CDKAL1: variants seen among roughly 807,000 people sequenced by gnomAD.
CDKAL1 encodes threonylcarbamoyladenosine tRNA methylthiotransferase.
In CDKAL1, 32 loss-of-function variants were observed where a neutral mutation model predicts 68.2. The observed-to-expected ratio is 0.47, with a 90% CI of 0.35 to 0.63. CDKAL1 has a LOEUF of 0.63. Among genes scored for constraint, CDKAL1 ranks in the 30% least tolerant of loss-of-function variants. The pLI, the probability that CDKAL1 is intolerant of heterozygous loss-of-function variation, is 0.00. For missense variants in CDKAL1, 606 were observed against 696.7 expected, an observed-to-expected ratio of 0.87 and a Z score of 1.47; for synonymous variants, 234 against 244.3, an observed-to-expected ratio of 0.96 and a Z score of 0.39.
intron 5 of CDKAL1, among the ~76,000 whole-genome samples, chr6:20,734,221 CAA>C (rs371725045): frequency 1.5e-4 from 23 of 149,794 alleles, no homozygotes; most frequent in African/African-American, 4.6e-4. Flanking sequence ...TTTTGGAAGA[CAA>C]GAGGGAAAAG....
chr6:21,010,755 A>G (rs1767966143), intron 11 of CDKAL1, among the ~76,000 whole-genome samples: 1 of 152,154 alleles, frequency 6.6e-6, no homozygotes, highest in African/African-American at 2.4e-5. Context: ...AATATAACCA[A>G]TAATTTTTTT....
In CDKAL1 at chr6:20,585,213, T is replaced by TG. The variant is rs1765298558; in HGVS notation, c.286+36509dup. Among the ~76,000 whole-genome samples, 8 of 152,010 alleles carry TG rather than the reference T, an allele frequency of 5.3e-5. No individual in the cohort carries two copies. The South Asian group carries it at 1.7e-3, about 32-fold the overall frequency. ...CTGGGACTACAGGCGCCCACCACCA[T>TG]GCTAATTTTTTTTTATTTTTAGTAG... On this transcript the variant is annotated intron_variant, in intron 4 of 15. Transcript: ENST00000274695.
rs1172351492 is a variant in CDKAL1 at position 20,758,709 on chromosome 6, C to T, written c.517+66C>T. ...TGAACTACATAGTAGAAACACCACT[C>T]AGGTAACTCTTGCCAGGCACCTTTA... On this transcript the variant is annotated intron_variant, in intron 7 of 15. Coordinates refer to ENST00000274695, the MANE Select transcript of CDKAL1 (RefSeq NM_017774.3). 3 of 1,188,008 alleles carry T rather than the reference C, an allele frequency of 2.5e-6. No homozygotes were observed. In the East Asian group the frequency reaches 7.3e-5, roughly 29 times the overall value. The allele number at this position is 1,188,008 out of a possible 1,614,324, so 73.6% of individuals were successfully genotyped here.
chr6:21,113,907 T>C (rs1410856116), intron 13 of CDKAL1, among the ~76,000 whole-genome samples: 2 of 151,094 alleles, frequency 1.3e-5, no homozygotes, highest in African/African-American at 2.4e-5. Flanking sequence ...ACCACTGCTC[T>C]CCAGCCTGGG....
chr6:21,037,403 T>G (rs1279926194), intron 11 of CDKAL1, among the ~76,000 whole-genome samples: 1 of 152,194 alleles, frequency 6.6e-6, no homozygotes. Flanking sequence ...TTAATCTTCA[T>G]GGGAACATAA....
intron 13 of CDKAL1, among the ~76,000 whole-genome samples, chr6:21,186,078 G>A (rs189171069): frequency 6.6e-6 from 1 of 152,018 alleles, no homozygotes; most frequent in African/African-American, 2.4e-5. Flanking sequence ...ATGGGGGTGG[G>A]GCAGGGGGGG....
chr6:20,772,598 T>G (rs1181890259), intron 7 of CDKAL1, among the ~76,000 whole-genome samples: 1 of 152,262 alleles, frequency 6.6e-6, no homozygotes, highest in East Asian at 1.9e-4. Flanking sequence ...CTTTGTTTAA[T>G]GTAACTTAAT....
chr6:21,148,076 A>G (rs903314626), intron 13 of CDKAL1, among the ~76,000 whole-genome samples: 2 of 152,228 alleles, frequency 1.3e-5, no homozygotes, highest in African/African-American at 4.8e-5. Flanking sequence ...AACTTGGCTT[A>G]CCTAGCTCCT....
At chr6:20,805,063 G>C (rs1320412689) in intron 8 of CDKAL1, among the ~76,000 whole-genome samples, 1 of 152,120 alleles carries the variant, frequency 6.6e-6, no homozygotes, top group African/African-American at 2.4e-5. Flanking sequence ...CTGGGATTCT[G>C]AGTCTCTAAT....
chr6:20,702,978 T>C lies in CDKAL1; in HGVS notation c.372-36541T>C, dbSNP rs927547417. Among the ~76,000 whole-genome samples the C allele has an allele frequency of 2.6e-5, 4 of 152,324 alleles. No individual in the cohort carries two copies. The East Asian group carries it at 5.8e-4, about 22-fold the overall frequency. ...CAGAAATAGGATTTCCCTTTGCTTC[T>C]AATTGGGTATAGAGAGAAGTGAAGA... is the stretch of plus-strand genomic sequence containing the variant. On this transcript the variant is annotated intron_variant, in intron 5 of 15. Coordinates refer to ENST00000274695, the MANE Select transcript of CDKAL1 (RefSeq NM_017774.3).
intron 10 of CDKAL1, among the ~76,000 whole-genome samples, chr6:20,994,138 G>C (rs144603508): frequency 6.6e-6 from 1 of 152,130 alleles, no homozygotes; most frequent in African/African-American, 2.4e-5. Flanking sequence ...TTTTTCCCTT[G>C]GTAAACCTGA....
At chr6:20,948,271 G>T (rs1764354883) in intron 9 of CDKAL1, among the ~76,000 whole-genome samples, 1 of 151,912 alleles carries the variant, frequency 6.6e-6, no homozygotes, top group Admixed American at 6.6e-5. Flanking sequence ...TTGTGCCTTG[G>T]CCTCCCAAAG....
intron 11 of CDKAL1, among the ~76,000 whole-genome samples, chr6:21,003,872 G>A (rs1767587636): frequency 6.6e-6 from 1 of 152,192 alleles, no homozygotes. Context: ...CTGACTTAAA[G>A]TGGTATGTTT....
At chr6:20,575,029 A>G (rs1032201988) in intron 4 of CDKAL1, among the ~76,000 whole-genome samples, 27 of 152,178 alleles carry the variant, frequency 1.8e-4, no homozygotes, top group African/African-American at 6.5e-4. Flanking sequence ...TCACAATATA[A>G]TAACTAAATA....
intron 13 of CDKAL1, among the ~76,000 whole-genome samples, chr6:21,113,329 A>ATT (rs1407795142): frequency 6.6e-6 from 1 of 152,144 alleles, no homozygotes; most frequent in Non-Finnish European, 1.5e-5. Context: ...TAAATGAAGT[A>ATT]TTACTACAGA....
chr6:20,942,227 C>A (rs971306838), intron 9 of CDKAL1, among the ~76,000 whole-genome samples: 4 of 152,108 alleles, frequency 2.6e-5, no homozygotes, highest in Admixed American at 6.5e-5. Flanking sequence ...TAATATTTTA[C>A]TACATCATTT....
chr6:21,069,956 A>AT (rs1334530675), intron 12 of CDKAL1, among the ~76,000 whole-genome samples: 1 of 150,966 alleles, frequency 6.6e-6, no homozygotes, highest in Non-Finnish European at 1.5e-5. Context: ...CGCCCGGCTA[A>AT]TTTTTTTGTA....
chr6:20,940,189 T>C (rs1390186276), intron 9 of CDKAL1, among the ~76,000 whole-genome samples: 2 of 152,200 alleles, frequency 1.3e-5, no homozygotes, highest in Non-Finnish European at 2.9e-5. Flanking sequence ...TGTTTTGAAT[T>C]TTAATAAAAT....
intron 4 of CDKAL1, among the ~76,000 whole-genome samples, chr6:20,631,437 C>T (rs950209762): frequency 6.6e-6 from 1 of 152,176 alleles, no homozygotes; most frequent in Non-Finnish European, 1.5e-5. Context: ...ATTTATGTTA[C>T]TGGTGTCACT....
Sources: allele counts gnomAD v4.1 joint callset (sites outside exome capture counted in the v4.1 genomes callset), GRCh38; gene constraint gnomAD v4.1.1; transcripts MANE v1.5; gene names NCBI Gene and HGNC (gene_info 2026-07-23, HGNC 2026-07-21).